Variants in UNC79 observed in about 807,000 individuals in gnomAD.
UNC79 encodes the protein protein unc-79 homolog.
In UNC79, 37 loss-of-function variants were observed where a neutral mutation model predicts 283.1. The ratio of observed to expected loss-of-function variants is 0.13; its 90% CI spans 0.10 to 0.17. The LOEUF is 0.17. Among genes scored for constraint, UNC79 ranks in the 10% least tolerant of loss-of-function variants. The pLI is 1.00. For missense variants in UNC79, 2,272 were observed against 3,211.1 expected, an observed-to-expected ratio of 0.71 and a Z score of 7.07; for synonymous variants, 1,107 against 1,200.2, an observed-to-expected ratio of 0.92 and a Z score of 1.61.
intron 1 of UNC79, among the ~76,000 whole-genome samples, chr14:93,344,509 C>T (rs2053782698): frequency 6.6e-6 from 1 of 152,140 alleles, no homozygotes; most frequent in Non-Finnish European, 1.5e-5. Flanking sequence ...CTTTGAGCAG[C>T]TTGGCTACAT....
chr14:93,483,850 C>T (rs2058271867), intron 4 of UNC79, among the ~76,000 whole-genome samples: 1 of 152,134 alleles, frequency 6.6e-6, no homozygotes, highest in Non-Finnish European at 1.5e-5. Flanking sequence ...TCATCTATGT[C>T]CCTACAAAGG....
intron 14 of UNC79, among the ~76,000 whole-genome samples, chr14:93,564,680 A>G (rs2062768773): frequency 6.6e-6 from 1 of 152,018 alleles, no homozygotes; most frequent in African/African-American, 2.4e-5. Context: ...GAGTCAGCGA[A>G]GGGAGATAGG....
rs760361082 is a variant in UNC79, at chr14:93,430,588, C to A, written c.-442C>A. 1.7e-4 allele frequency: 27 copies of A among 156,972 alleles called. No individual in the cohort carries two copies. Among genetic ancestry groups the A allele is most frequent in the Non-Finnish European group, 3.4e-4 (24 of 70,876 alleles). The allele number at this position is 156,972 out of a possible 1,614,324, so 9.7% of individuals were successfully genotyped here. On this transcript the variant is annotated 5_prime_UTR_variant, in exon 1 of 49. Coordinates refer to ENST00000555664, the Ensembl canonical transcript of UNC79. The surrounding 1 kb of genome is among the most constrained non-coding windows in gnomAD (Gnocchi z 4.6). ...GCCCGGAGAACGCCAATGGGAGATC[C>A]AAATGGTCGGGGACTCCGGCGCTTT... is the stretch of plus-strand genomic sequence containing the variant.
chr14:93,477,794 TGTTATA>T, intron 4 of UNC79, 66 bp downstream of exon 4: 1 of 1,473,556 alleles, frequency 6.8e-7, no homozygotes, highest in East Asian at 2.3e-5. Context: ...TTGCTTTTGC[TGTTATA>T]GGCTCTAGTT....
At chr14:93,599,693 G>A (rs539286377) in intron 24 of UNC79, among the ~76,000 whole-genome samples, 4 of 152,258 alleles carry the variant, frequency 2.6e-5, no homozygotes, top group African/African-American at 7.2e-5. Flanking sequence ...TAAAAAGAGG[G>A]GGAATGGTAA....
chr14:93,347,915 T>C, intron 1 of UNC79: 1 of 637,818 alleles, frequency 1.6e-6, no homozygotes, highest in Non-Finnish European at 2.8e-6. Context: ...GGCGCCTGTT[T>C]CTAGGACAAC....
chr14:93,392,101 C>T (rs186005530), intron 1 of UNC79, among the ~76,000 whole-genome samples: 5 of 152,250 alleles, frequency 3.3e-5, no homozygotes, highest in African/African-American at 1.2e-4. Context: ...GAAATATATC[C>T]ACATATGCAA....
At chr14:93,589,698 C>G (rs2064513536) in intron 22 of UNC79, among the ~76,000 whole-genome samples, 1 of 152,122 alleles carries the variant, frequency 6.6e-6, no homozygotes, top group Admixed American at 6.5e-5. Context: ...TGGAGGAAGT[C>G]TTGGGAAGCA....
At chr14:93,460,804 C>G (rs1481719112) in intron 1 of UNC79, among the ~76,000 whole-genome samples, 1 of 152,062 alleles carries the variant, frequency 6.6e-6, no homozygotes, top group Admixed American at 6.5e-5. Context: ...GCAGGAAGAT[C>G]CCTTCAGCCC....
intron 17 of UNC79, 52 bp downstream of exon 17, chr14:93,575,250 C>A (rs753667661): frequency 1.9e-6 from 3 of 1,610,446 alleles, no homozygotes; most frequent in Non-Finnish European, 2.5e-6. Context: ...CTTGAAAACC[C>A]TTGTCAGTTA....
chr14:93,361,576 C>T (rs1448077516), intron 1 of UNC79, among the ~76,000 whole-genome samples: 1 of 151,512 alleles, frequency 6.6e-6, no homozygotes, highest in Non-Finnish European at 1.5e-5. Flanking sequence ...GAAGTTGTTT[C>T]TCAAATCTAG....
At chr14:93,526,555 T>C (rs1037092264) in intron 8 of UNC79, among the ~76,000 whole-genome samples, 1 of 152,092 alleles carries the variant, frequency 6.6e-6, no homozygotes, top group African/African-American at 2.4e-5. Flanking sequence ...CCTTTCTCGG[T>C]TTTCCAAAGC....
intron 32 of UNC79, 171 bp downstream of exon 35, chr14:93,637,470 A>C (rs2140154698): frequency 1.7e-6 from 2 of 1,172,724 alleles, no homozygotes; most frequent in South Asian, 3.3e-5. Context: ...ATCTTTGAAC[A>C]TGGCCAACAG....
intron 41 of UNC79, among the ~76,000 whole-genome samples, chr14:93,676,152 G>C (rs1344664202): frequency 6.6e-6 from 1 of 152,126 alleles, no homozygotes; most frequent in Non-Finnish European, 1.5e-5. Flanking sequence ...TGCCTCCCTG[G>C]CTCAAGTGAT....
intron 15 of UNC79, 98 bp downstream of exon 15, chr14:93,572,182 T>C: frequency 7.8e-7 from 1 of 1,282,928 alleles, no homozygotes. Context: ...GCGTTTTATA[T>C]AATCTCATTT....
intron 12 of UNC79, among the ~76,000 whole-genome samples, chr14:93,538,585 C>G (rs1051862033): frequency 2.0e-5 from 3 of 152,024 alleles, no homozygotes; most frequent in African/African-American, 7.2e-5. Flanking sequence ...AGGGGCCAAT[C>G]AGAGTGAAGC....
intron 5 of UNC79, 133 bp downstream of exon 5, chr14:93,487,888 G>T: frequency 1.3e-6 from 1 of 753,396 alleles, no homozygotes. Flanking sequence ...CTTTTGAGTT[G>T]GAATCAATTT....
intron 22 of UNC79, among the ~76,000 whole-genome samples, chr14:93,592,632 G>A (rs1342123899): frequency 6.6e-6 from 1 of 151,934 alleles, no homozygotes; most frequent in East Asian, 1.9e-4. Context: ...TGTTGTTCAA[G>A]GGTCAACTGT....
intron 4 of UNC79, among the ~76,000 whole-genome samples, chr14:93,482,727 C>A (rs1383645898): frequency 6.6e-6 from 1 of 152,162 alleles, no homozygotes; most frequent in South Asian, 2.1e-4. Flanking sequence ...TTCTTACCAC[C>A]AGCTTTCATT....
Sources: gnomAD v4.1 joint callset for allele counts (sites outside exome capture counted in the v4.1 genomes callset) on GRCh38, gnomAD v4.1.1 for gene constraint, Gnocchi (gnomAD v3.1) non-coding constraint, MANE v1.5 for transcripts, NCBI Gene and HGNC (gene_info 2026-07-23, HGNC 2026-07-21) for gene names.